Variants in NFE2L1 observed in about 807,000 individuals in gnomAD.
The protein encoded by NFE2L1 is NFE2 like bZIP transcription factor 1.
NFE2L1 carries 18 observed loss-of-function variants against 61.6 expected under a neutral mutation model. The observed-to-expected ratio is 0.29, with a 90% CI of 0.20 to 0.43. The LOEUF (loss-of-function observed/expected upper bound fraction) is 0.43. Among genes scored for constraint, NFE2L1 ranks in the 20% least tolerant of loss-of-function variants. The probability of loss-of-function intolerance (pLI) is 1.00; values close to 1 mark genes in which losing one functional copy is unlikely to be tolerated. For missense variants in NFE2L1, 827 were observed against 973.5 expected (o/e 0.85, Z 2.00); for synonymous variants, 419 against 402.7 (o/e 1.04, Z -0.48).
intron 2 of NFE2L1, chr17:48,054,620 G>C: frequency 8.6e-7 from 1 of 1,167,586 alleles, no homozygotes; most frequent in East Asian, 3.8e-5. Context: ...GTGGGGATTG[G>C]CTCCCTGCTG....
chr17:48,056,137 C>T, intron 2 of NFE2L1: 1 of 556,894 alleles, frequency 1.8e-6, no homozygotes, highest in Non-Finnish European at 3.2e-6. Flanking sequence ...CCTTTGCACC[C>T]TTATGGTGAT....
At chr17:48,050,249 C>T (rs1405060431) in intron 1 of NFE2L1, among the ~76,000 whole-genome samples, 2 of 152,130 alleles carry the variant, frequency 1.3e-5, no homozygotes, top group Non-Finnish European at 1.5e-5. Context: ...GGGGCCGAGG[C>T]GGGCAGATCA....
At position 48,056,897 on chromosome 17, in the gene NFE2L1, G is replaced by A; in HGVS notation, c.724-135G>A. ...TCACTCTCTTCTGTTGTTTCTGGGA[G>A]TTTGGGACTCGGGGCCAGCCATTAG... On this transcript the variant is annotated intron_variant, in intron 3 of 5. Transcript: ENST00000362042. The A allele has an allele frequency of 4.6e-6, 4 of 867,668 alleles. No homozygotes were observed. In the East Asian group the frequency reaches 7.9e-5, roughly 17 times the overall value. 53.7% of individuals were successfully genotyped at this position (867,668 alleles called of 1,614,324 possible). A position where few individuals can be genotyped will look rare whatever the true frequency, so the allele number is the denominator to read the frequency against.
chr17:48,053,221 A>C (rs1455854943), intron 2 of NFE2L1, among the ~76,000 whole-genome samples: 2 of 151,922 alleles, frequency 1.3e-5, no homozygotes, highest in Non-Finnish European at 2.9e-5. Flanking sequence ...TTTGGATATT[A>C]TTGGGTGGGT....
Position 48,051,088 on chromosome 17 carries a change from C to A in NFE2L1, c.-31C>A. On this transcript the variant is annotated 5_prime_UTR_variant, in exon 2 of 6. Transcript: ENST00000362042. ...TTGTCTTTTGGAAGATTTTAAAAAC[C>A]AAAAAGCATAAACATTCTGGTCCTT... 1 of 1,613,778 alleles carries A rather than the reference C, an allele frequency of 6.2e-7. No homozygotes were observed. The highest frequency in any genetic ancestry group is 8.5e-7 in the Non-Finnish European group (1 of 1,179,874).
At chr17:48,051,700 G>A (rs1196488746) in intron 2 of NFE2L1, 72 bp downstream of exon 2, 1 of 1,533,920 alleles carries the variant, frequency 6.5e-7, no homozygotes, top group Non-Finnish European at 8.8e-7. Context: ...ATTGTGGTCA[G>A]AACACTGAGC....
intron 2 of NFE2L1, among the ~76,000 whole-genome samples, chr17:48,053,246 A>T (rs963004291): frequency 6.6e-6 from 1 of 152,024 alleles, no homozygotes; most frequent in African/African-American, 2.4e-5. Context: ...GCCGAATGGG[A>T]TGGGACTTTG....
intron 2 of NFE2L1, chr17:48,054,461 A>T (rs2037336856): frequency 2.2e-6 from 1 of 457,112 alleles, no homozygotes; most frequent in Admixed American, 5.0e-5. Context: ...CCGCATCTCC[A>T]GCGGAGACTT....
Position 48,050,913 on chromosome 17 carries a change from G to T in NFE2L1, c.-206G>T. 1.6e-6 allele frequency: 1 copy of T among 626,602 alleles called. No homozygotes were observed. The highest frequency in any genetic ancestry group is 2.8e-6 in the Non-Finnish European group (1 of 355,738). The allele number at this position is 626,602 out of a possible 1,614,324, so 38.8% of individuals were successfully genotyped here. A position where few individuals can be genotyped will look rare whatever the true frequency, so the allele number is the denominator to read the frequency against. ...CGAGAAGGGAAAGTGAATGTGGTCT[G>T]GAGTGTGTCCTTGGCCTTGGCTCCA... On this transcript the variant is annotated 5_prime_UTR_variant, in exon 2 of 6. It introduces an in-frame stop codon into an upstream open reading frame of the 5' UTR. Coordinates refer to ENST00000362042, the MANE Select transcript of NFE2L1 (RefSeq NM_003204.3).
rs567614958 is a variant in NFE2L1 at position 48,058,641 on chromosome 17, G to A, written c.1319G>A (p.Gly440Asp). 4.3e-6 allele frequency: 7 copies of A among 1,614,184 alleles called. No individual in the cohort carries two copies. The highest frequency in any genetic ancestry group is 5.1e-6 in the Non-Finnish European group (6 of 1,180,040). Residue 440 changes from glycine (G) to aspartate (D), a missense_variant, in exon 6 of 6, where the codon GGT becomes GAT. Around this residue, in one of 3 missense-constraint regions of NFE2L1, gnomAD observed 667 missense variants for 748.4 expected, o/e 0.89. Transcript: ENST00000362042. ...AGPELPDPLG[G>D]LLDEAMLDEI... is the part of the protein sequence containing the mutation. ...CCAGAGCTGCCTGACCCTTTGGGGG[G>A]TCTGTTAGATGAAGCTATGTTGGAT...
At chr17:48,056,715 C>T (rs1011968367) in intron 3 of NFE2L1, 117 bp downstream of exon 3, 2 of 1,278,578 alleles carry the variant, frequency 1.6e-6, no homozygotes, top group African/African-American at 3.0e-5. Flanking sequence ...TGGGGTGGAC[C>T]TGAATTTCTG....
intron 2 of NFE2L1, chr17:48,054,421 T>G: frequency 3.6e-6 from 1 of 281,158 alleles, no homozygotes; most frequent in Non-Finnish European, 6.3e-6. Flanking sequence ...TGCAGCTAGG[T>G]AACAGGCGGT....
At chr17:48,050,484 A>C in intron 1 of NFE2L1, 123 bp from the exon 2 acceptor site, 1 of 394,132 alleles carries the variant, frequency 2.5e-6, no homozygotes, top group Non-Finnish European at 4.5e-6. Flanking sequence ...GTCTCAAAAA[A>C]AAAAAAAGTG....
intron 2 of NFE2L1, chr17:48,054,555 G>C: frequency 2.5e-6 from 3 of 1,215,744 alleles, no homozygotes; most frequent in Non-Finnish European, 3.1e-6. Context: ...CTGCTGACCT[G>C]GGGGAGGGGA....
chr17:48,051,598 C>T lies in NFE2L1; in HGVS notation c.480C>T (p.Ala160=). Residue 160 remains alanine (A), a synonymous_variant, in exon 2 of 6, where the codon GCC becomes GCT. Transcript: ENST00000362042. ...ATTTGGAGGATTTGGGGGCTGTAGCCCCCCCAGTCAGTGGAGACTTAACCA... is the reference window on the plus strand; with the variant it reads ...ATTTGGAGGATTTGGGGGCTGTAGCTCCCCCAGTCAGTGGAGACTTAACCA... ...GEDLEDLGAV[A]PPVSGDLTKE... 1 of 1,613,888 alleles carries T rather than the reference C, an allele frequency of 6.2e-7. No homozygotes were observed.
At chr17:48,049,103 G>T (rs954331014) in intron 1 of NFE2L1, 1 of 151,996 alleles carries the variant, frequency 6.6e-6, no homozygotes, top group Admixed American at 6.6e-5. Flanking sequence ...CGTATAGCTC[G>T]CTCTCCCCCT....
Position 48,050,625 on chromosome 17 carries a change from CT to C in NFE2L1, c.-493del, listed in dbSNP as rs2037226704. 4.9e-6 allele frequency: 2 copies of C among 411,626 alleles called. No homozygotes were observed. Among genetic ancestry groups the C allele is most frequent in the East Asian group, 6.9e-5 (2 of 28,896 alleles). 25.5% of individuals were successfully genotyped at this position (411,626 alleles called of 1,614,324 possible). ...ATTTCAGGTTTCTCTGGAAACCCCCCTGGTAAGTGTGGAGGAGGCGGGACAC... is the reference window on the plus strand; with the variant it reads ...ATTTCAGGTTTCTCTGGAAACCCCCCGGTAAGTGTGGAGGAGGCGGGACAC... On this transcript the variant is annotated 5_prime_UTR_variant, in exon 2 of 6. Coordinates refer to ENST00000362042, the MANE Select transcript of NFE2L1 (RefSeq NM_003204.3).
chr17:48,059,207 A>G lies in NFE2L1; in HGVS notation c.1885A>G (p.Lys629Glu), dbSNP rs746156411. The G allele has an allele frequency of 6.2e-7, 1 of 1,614,152 alleles. No homozygotes were observed. The highest frequency in any genetic ancestry group is 8.5e-7 in the Non-Finnish European group (1 of 1,180,022). Residue 629 changes from lysine to glutamate, a missense_variant, in exon 6 of 6, where the codon AAA (lysine) becomes GAA (glutamate). This residue lies in a region of NFE2L1 where 74 missense variants were observed against 127.8 expected (regional missense o/e 0.58). Transcript: ENST00000362042. The surrounding 1 kb of genome is among the most constrained non-coding windows in gnomAD (Gnocchi z 6.1). ...CATGAAGATCCCTTTCACCAATGACAAAATCATCAACCTGCCTGTGGAGGA... is the reference window on the plus strand; with the variant it reads ...CATGAAGATCCCTTTCACCAATGACGAAATCATCAACCTGCCTGTGGAGGA... ...RAMKIPFTND[K>E]IINLPVEEFN... is the part of the protein sequence containing the mutation.
chr17:48,053,130 G>T (rs2037298293), intron 2 of NFE2L1, among the ~76,000 whole-genome samples: 1 of 152,124 alleles, frequency 6.6e-6, no homozygotes, highest in South Asian at 2.1e-4. Context: ...AGCTCCCCCA[G>T]GGGTGGGTGT....
Sources: allele counts gnomAD v4.1 joint callset (sites outside exome capture counted in the v4.1 genomes callset), GRCh38; gene constraint gnomAD v4.1.1; regional missense constraint gnomAD v4.1.1; non-coding constraint Gnocchi (gnomAD v3.1); transcripts MANE v1.5; gene names NCBI Gene and HGNC (gene_info 2026-07-23, HGNC 2026-07-21).